The following ZC3H12B variants were observed in gnomAD, a reference collection of about 807,000 sequenced individuals.
ZC3H12B encodes the protein zinc finger CCCH-type containing 12B, also known as probable ribonuclease ZC3H12B.
A neutral mutation model predicts 43.9 loss-of-function variants in ZC3H12B; 7 were observed. The ratio of observed to expected loss-of-function variants is 0.16; its 90% confidence interval spans 0.09 to 0.30. The LOEUF (loss-of-function observed/expected upper bound fraction) is 0.30, where lower values mean the gene tolerates loss of function less well. Among genes scored for constraint, ZC3H12B ranks in the 10% least tolerant of loss-of-function variants. The pLI, the probability that ZC3H12B is intolerant of heterozygous loss-of-function variation, is 1.00. For missense variants in ZC3H12B, 475 were observed against 670.2 expected (o/e 0.71, Z 3.22); for synonymous variants, 222 against 241.7 (o/e 0.92, Z 0.76).
the ZC3H12B span, among the ~76,000 whole-genome samples, chrX:65,222,640 AT>A: frequency 9.8e-4 from 93 of 94,577 alleles, 1 homozygote; most frequent in Admixed American, 3.1e-3. Context: ...AATAATAATA[AT>A]AATAATAATA....
chrX:65,171,221 G>T, the ZC3H12B span, among the ~76,000 whole-genome samples: 1 of 111,327 alleles, frequency 9.0e-6, no homozygotes, highest in Non-Finnish European at 1.9e-5. Context: ...TCGGGTTTCG[G>T]TGTGGATGTC....
chrX:65,408,518 C>A, intron 3 of ZC3H12B: 1 of 1,207,859 alleles, frequency 8.3e-7, no homozygotes, highest in Non-Finnish European at 1.1e-6. Context: ...CCTTACGCCT[C>A]ACCCTTCGGG....
intron 3 of ZC3H12B, among the ~76,000 whole-genome samples, chrX:65,483,432 T>A (rs1361547160): frequency 8.9e-6 from 1 of 111,975 alleles, no homozygotes; most frequent in Non-Finnish European, 1.9e-5. Context: ...ATGTGAATCT[T>A]TTCATTTTGA....
At position 65,392,246 on chromosome X, in the gene ZC3H12B, C is replaced by A. The variant is rs974622713; in HGVS notation, n.296-6347C>A. 2.7e-5 allele frequency among the ~76,000 whole-genome samples: 3 copies of A among 111,418 alleles called. No individual in the cohort carries two copies. In the East Asian group the frequency reaches 8.5e-4, roughly 32 times the overall value. ...CACCAATCATCTGGGATGTGAGGAGCCCCTCTGCCTGGCTGCCCAGTCTGG... is the reference window on the plus strand; with the variant it reads ...CACCAATCATCTGGGATGTGAGGAGACCCTCTGCCTGGCTGCCCAGTCTGG... On this transcript the variant is annotated intron_variant and non_coding_transcript_variant, in intron 2 of 5. Coordinates refer to the ZC3H12B transcript ENST00000617377.
At chrX:65,106,306 A>G in the ZC3H12B span, among the ~76,000 whole-genome samples, 16 of 112,167 alleles carry the variant, frequency 1.4e-4, no homozygotes, top group African/African-American at 3.9e-4. Context: ...GAATTAGATA[A>G]GTAGAGAGGA....
At chrX:65,178,378 A>G in the ZC3H12B span, among the ~76,000 whole-genome samples, 1 of 112,296 alleles carries the variant, frequency 8.9e-6, no homozygotes. Flanking sequence ...CGAAAACACC[A>G]AAAGCAATGA....
At chrX:65,133,626 G>A in the ZC3H12B span, among the ~76,000 whole-genome samples, 5 of 111,335 alleles carry the variant, frequency 4.5e-5, no homozygotes, top group African/African-American at 9.8e-5. Flanking sequence ...AAACTAAGCC[G>A]GACTGGGTGT....
At chrX:65,247,226 G>T in the ZC3H12B span, among the ~76,000 whole-genome samples, 102 of 112,173 alleles carry the variant, frequency 9.1e-4, no homozygotes, top group African/African-American at 3.1e-3. Flanking sequence ...TTATTAAAAA[G>T]TCAAACAATC....
chrX:65,485,780 C>A (rs1448976683), upstream of ZC3H12B, among the ~76,000 whole-genome samples: 1 of 111,922 alleles, frequency 8.9e-6, no homozygotes, highest in African/African-American at 3.2e-5. Context: ...CCCTGCCCAG[C>A]AAATTTTAAC....
At chrX:65,395,140 A>G (rs967863101) in intron 2 of ZC3H12B, among the ~76,000 whole-genome samples, 1 of 112,114 alleles carries the variant, frequency 8.9e-6, no homozygotes, top group Non-Finnish European at 1.9e-5. Context: ...ATATAAAATC[A>G]TGTCATCTGT....
chrX:65,300,902 A>T, the ZC3H12B span, among the ~76,000 whole-genome samples: 1 of 111,156 alleles, frequency 9.0e-6, no homozygotes, highest in South Asian at 3.8e-4. Context: ...GACAACCTAC[A>T]GAATGAGAGA....
At chrX:65,182,804 A>C in the ZC3H12B span, among the ~76,000 whole-genome samples, 1 of 112,132 alleles carries the variant, frequency 8.9e-6, no homozygotes, top group African/African-American at 3.2e-5. Flanking sequence ...AAATGCAGCC[A>C]ACAAGCATAT....
chrX:65,238,572 G>A, the ZC3H12B span, among the ~76,000 whole-genome samples: 2 of 110,925 alleles, frequency 1.8e-5, no homozygotes, highest in Non-Finnish European at 3.8e-5. Context: ...AGTTTTGTTT[G>A]TGTCTCTATC....
At chrX:65,279,301 T>A in the ZC3H12B span, among the ~76,000 whole-genome samples, 2 of 107,020 alleles carry the variant, frequency 1.9e-5, no homozygotes, top group African/African-American at 6.8e-5. Context: ...TACCAGCATT[T>A]TTTTTTTTTT....
At chrX:65,169,804 C>G in the ZC3H12B span, among the ~76,000 whole-genome samples, 2 of 111,802 alleles carry the variant, frequency 1.8e-5, no homozygotes, top group Non-Finnish European at 3.8e-5. Context: ...TTCTTTGTCT[C>G]TTTTGATCTT....
chrX:65,189,824 G>C, the ZC3H12B span, among the ~76,000 whole-genome samples: 1 of 110,755 alleles, frequency 9.0e-6, no homozygotes, highest in Non-Finnish European at 1.9e-5. Context: ...TGTCAATTTT[G>C]CCTTCTGTTG....
chrX:65,374,164 A>G (rs1412589164), intron 2 of ZC3H12B, among the ~76,000 whole-genome samples: 10 of 78,366 alleles, frequency 1.3e-4, no homozygotes, highest in Non-Finnish European at 1.8e-4. Context: ...GTATATATAT[A>G]GTTATATATA....
chrX:65,161,160 T>G, the ZC3H12B span, among the ~76,000 whole-genome samples: 1 of 111,514 alleles, frequency 9.0e-6, no homozygotes, highest in African/African-American at 3.3e-5. Flanking sequence ...TTACATTTGC[T>G]GAGGAGAGCT....
intron 3 of ZC3H12B, among the ~76,000 whole-genome samples, chrX:65,412,856 T>G (rs777976262): frequency 4.6e-4 from 52 of 111,878 alleles, no homozygotes; most frequent in Middle Eastern, 4.7e-3. Flanking sequence ...GTTTTGTTTT[T>G]TTTGAGGAAA....
Sources: gnomAD v4.1 joint callset for allele counts (sites outside exome capture counted in the v4.1 genomes callset) on GRCh38, gnomAD v4.1.1 for gene constraint, MANE v1.5 for transcripts, NCBI Gene and HGNC (gene_info 2026-07-23, HGNC 2026-07-21) for gene names.